PLSCR2: variants seen among roughly 807,000 people sequenced by gnomAD.
PLSCR2 encodes PL scramblase 2.
A neutral mutation model predicts 25.3 loss-of-function variants in PLSCR2; 18 were observed. The ratio of observed to expected loss-of-function variants is 0.71; its 90% CI spans 0.49 to 1.06. The LOEUF (loss-of-function observed/expected upper bound fraction) is 1.06. Ranked by LOEUF, PLSCR2 falls within the 50% of genes least tolerant of loss-of-function variation. The pLI is 0.00. For synonymous variants in PLSCR2, 88 were observed against 87.3 expected (o/e 1.01, Z -0.04); for missense variants, 243 against 269.5 (o/e 0.90, Z 0.69).
chr3:146,436,921 T>A (rs1475048004), downstream of PLSCR2, among the ~76,000 whole-genome samples: 1 of 152,302 alleles, frequency 6.6e-6, no homozygotes, highest in African/African-American at 2.4e-5. Flanking sequence ...TTGTGATAAA[T>A]AGCTCTCATT....
chr3:146,405,996 T>A (rs1271958188), intron 2 of PLSCR2, among the ~76,000 whole-genome samples: 4 of 152,196 alleles, frequency 2.6e-5, no homozygotes, highest in South Asian at 2.1e-4. Context: ...GACCAGGATT[T>A]TTTTTGGATG....
chr3:146,435,455 A>G (rs1275285845), intron 8 of PLSCR2, among the ~76,000 whole-genome samples: 1 of 152,174 alleles, frequency 6.6e-6, no homozygotes, highest in Non-Finnish European at 1.5e-5. Context: ...CTTTTTAATG[A>G]CTGCCATTCT....
At chr3:146,459,733 T>C (rs979646562) in intron 2 of PLSCR2, 115 bp downstream of exon 2, 2 of 723,504 alleles carry the variant, frequency 2.8e-6, no homozygotes, top group Non-Finnish European at 4.5e-6. Context: ...TTTCTGACTT[T>C]AATTAATTAA....
downstream of PLSCR2, among the ~76,000 whole-genome samples, chr3:146,437,366 T>C (rs1055936389): frequency 2.6e-5 from 4 of 152,216 alleles, no homozygotes; most frequent in Non-Finnish European, 5.9e-5. Flanking sequence ...AGCTCCTCTT[T>C]GTACGTCTGG....
At chr3:146,457,796 GC>G (rs1423095259) in intron 3 of PLSCR2, among the ~76,000 whole-genome samples, 1 of 152,188 alleles carries the variant, frequency 6.6e-6, no homozygotes, top group Non-Finnish European at 1.5e-5. Flanking sequence ...AATGTTATTT[GC>G]AAAAGAGAGC....
At chr3:146,485,609 C>A (rs1472380454) in intron 1 of PLSCR2, among the ~76,000 whole-genome samples, 1 of 152,090 alleles carries the variant, frequency 6.6e-6, no homozygotes, top group East Asian at 1.9e-4. Flanking sequence ...GTCTATCAGA[C>A]CACAGCACAA....
intron 1 of PLSCR2, 189 bp from the exon 1 acceptor site, chr3:146,469,750 C>G (rs2042036473): frequency 4.7e-6 from 1 of 212,174 alleles, no homozygotes; most frequent in Non-Finnish European, 8.1e-6. Flanking sequence ...GCTGCTGGAG[C>G]GCGGCCGAGC....
upstream of PLSCR2, chr3:146,463,893 T>C (rs1299654398): frequency 3.1e-6 from 3 of 973,524 alleles, no homozygotes; most frequent in African/African-American, 1.8e-5. Context: ...TTTCATAATA[T>C]AGTGAAACTC....
At chr3:146,495,933 G>T in exon 1 of PLSCR2, 1 of 1,534,660 alleles carries the variant, frequency 6.5e-7, no homozygotes, top group Non-Finnish European at 8.7e-7. Flanking sequence ...TCTCCATTCG[G>T]CCCACAATCC....
intron 2 of PLSCR2, among the ~76,000 whole-genome samples, chr3:146,411,179 T>A (rs924368225): frequency 6.6e-6 from 1 of 151,942 alleles, no homozygotes; most frequent in Non-Finnish European, 1.5e-5. Flanking sequence ...TGCCAGAAAC[T>A]AAGGCTCAGT....
intron 2 of PLSCR2, among the ~76,000 whole-genome samples, chr3:146,400,467 TG>T (rs2038430185): frequency 6.6e-6 from 1 of 151,510 alleles, no homozygotes. Context: ...TGACTGTTAC[TG>T]GGAGTTATTA....
At chr3:146,440,208 G>A (rs2040148018), downstream of PLSCR2, among the ~76,000 whole-genome samples, 1 of 152,168 alleles carries the variant, frequency 6.6e-6, no homozygotes, top group Admixed American at 6.5e-5. Flanking sequence ...TCCCAGTTGG[G>A]CTACGCAGGG....
chr3:146,454,202 A>G (rs773635220), intron 4 of PLSCR2, 39 bp from the exon 5 acceptor site: 8 of 1,358,688 alleles, frequency 5.9e-6, no homozygotes, highest in Non-Finnish European at 8.0e-6. Context: ...ATAAATCATC[A>G]TAATAAAAAT....
At chr3:146,404,496 A>G (rs2038583131) in intron 2 of PLSCR2, among the ~76,000 whole-genome samples, 1 of 152,210 alleles carries the variant, frequency 6.6e-6, no homozygotes, top group Non-Finnish European at 1.5e-5. Context: ...TATTGCATTG[A>G]GAATTAAGTT....
intron 2 of PLSCR2, among the ~76,000 whole-genome samples, chr3:146,458,695 T>C (rs1022241211): frequency 2.6e-5 from 4 of 152,080 alleles, no homozygotes; most frequent in African/African-American, 9.6e-5. Flanking sequence ...TAAACTAATA[T>C]AGTGGAATCC....
intron 1 of PLSCR2, chr3:146,494,674 T>A (rs1274755521): frequency 2.6e-5 from 4 of 152,162 alleles, no homozygotes; most frequent in Non-Finnish European, 5.9e-5. Flanking sequence ...TTTTAAACAC[T>A]CATGGTTTAA....
chr3:146,411,672 C>T (rs181485213), intron 2 of PLSCR2, among the ~76,000 whole-genome samples: 3 of 152,242 alleles, frequency 2.0e-5, no homozygotes, highest in East Asian at 1.9e-4. Context: ...ATTTAGCCGG[C>T]GGCCAAGAGA....
At chr3:146,401,479 TTCTC>T (rs991760259) in intron 2 of PLSCR2, 5 of 152,524 alleles carry the variant, frequency 3.3e-5, no homozygotes, top group African/African-American at 1.2e-4. Context: ...AAGCAATTAT[TTCTC>T]TCTTCTGCAA....
downstream of PLSCR2, among the ~76,000 whole-genome samples, chr3:146,441,192 C>A (rs1183303906): frequency 6.6e-6 from 1 of 151,986 alleles, no homozygotes; most frequent in Non-Finnish European, 1.5e-5. Flanking sequence ...TTAAAAAATA[C>A]TCCAGCCTGG....
Sources: gnomAD v4.1 joint callset for allele counts (sites outside exome capture counted in the v4.1 genomes callset) on GRCh38, gnomAD v4.1.1 for gene constraint, MANE v1.5 for transcripts, NCBI Gene and HGNC (gene_info 2026-07-23, HGNC 2026-07-21) for gene names.